The following CDH18 variants were observed in gnomAD, a reference collection of about 807,000 sequenced individuals.
CDH18 encodes the protein cadherin-18.
In CDH18, 31 loss-of-function variants were observed where a neutral mutation model predicts 67.9. That is an observed-to-expected ratio of 0.46 (90% CI 0.34 to 0.62). The LOEUF (loss-of-function observed/expected upper bound fraction) is 0.62. Ranked by LOEUF, CDH18 falls within the 20% of genes least tolerant of loss-of-function variation. The pLI, the probability that CDH18 is intolerant of heterozygous loss-of-function variation, is 0.01. For synonymous variants in CDH18, 362 were observed against 347.2 expected, an observed-to-expected ratio of 1.04 and a Z score of -0.48; for missense variants, 890 against 975.5, an observed-to-expected ratio of 0.91 and a Z score of 1.17.
intron 2 of CDH18, among the ~76,000 whole-genome samples, chr5:20,191,644 C>T (rs1738548106): frequency 6.6e-6 from 1 of 151,956 alleles, no homozygotes; most frequent in Admixed American, 6.6e-5. Flanking sequence ...TTTGTTGAGG[C>T]TGATGGTTTC....
chr5:19,862,063 A>G (rs1784964124), intron 2 of CDH18, among the ~76,000 whole-genome samples: 1 of 152,192 alleles, frequency 6.6e-6, no homozygotes, highest in African/African-American at 2.4e-5. Flanking sequence ...CCATGTGATC[A>G]GTAGAAATAT....
At chr5:19,638,999 T>G (rs13184122) in intron 5 of CDH18, among the ~76,000 whole-genome samples, 5,725 of 122,538 alleles carry the variant, frequency 0.047, 464 homozygotes, top group African/African-American at 0.15. Context: ...TTTTTTTTTT[T>G]TTTTTGTTTG....
At chr5:20,160,309 A>C (rs1397969367) in intron 2 of CDH18, among the ~76,000 whole-genome samples, 1 of 152,206 alleles carries the variant, frequency 6.6e-6, no homozygotes, top group Admixed American at 6.5e-5. Flanking sequence ...TGAGTCAAAG[A>C]CTAATCCAAG....
At chr5:20,388,662 G>A (rs1363084443) in intron 1 of CDH18, among the ~76,000 whole-genome samples, 1 of 151,986 alleles carries the variant, frequency 6.6e-6, no homozygotes, top group East Asian at 1.9e-4. Flanking sequence ...TGTGATGTTA[G>A]GGTGTCTATT....
intron 2 of CDH18, among the ~76,000 whole-genome samples, chr5:20,031,384 AAT>A (rs1161272294): frequency 6.6e-6 from 1 of 152,090 alleles, no homozygotes; most frequent in African/African-American, 2.4e-5. Context: ...TCCTGAGTAT[AAT>A]GTTCGGTATG....
intron 2 of CDH18, among the ~76,000 whole-genome samples, chr5:20,069,500 C>T (rs749079815): frequency 6.6e-6 from 1 of 152,110 alleles, no homozygotes; most frequent in Admixed American, 6.5e-5. Flanking sequence ...GCAACCTCCA[C>T]CTCCCGGGTT....
chr5:20,162,709 A>C (rs891296027), intron 2 of CDH18, among the ~76,000 whole-genome samples: 1 of 150,158 alleles, frequency 6.7e-6, no homozygotes, highest in African/African-American at 2.5e-5. Context: ...ATATACATAC[A>C]TATATATATG....
intron 6 of CDH18, among the ~76,000 whole-genome samples, chr5:19,596,188 T>C (rs778562179): frequency 6.6e-6 from 1 of 152,184 alleles, no homozygotes; most frequent in Non-Finnish European, 1.5e-5. Flanking sequence ...AAGAAGAGGC[T>C]TTTGTCAATG....
intron 2 of CDH18, among the ~76,000 whole-genome samples, chr5:20,135,854 G>A (rs1191470978): frequency 1.3e-5 from 2 of 152,200 alleles, no homozygotes; most frequent in Non-Finnish European, 2.9e-5. Flanking sequence ...TATGTACGTA[G>A]TAATCATTCA....
chr5:19,535,423 A>C (rs1749261679), intron 9 of CDH18, among the ~76,000 whole-genome samples: 1 of 152,216 alleles, frequency 6.6e-6, no homozygotes, highest in South Asian at 2.1e-4. Context: ...CACATTGATA[A>C]TAATAAAATA....
chr5:19,969,156 A>G (rs1326622387), intron 2 of CDH18, among the ~76,000 whole-genome samples: 1 of 148,464 alleles, frequency 6.7e-6, no homozygotes, highest in Non-Finnish European at 1.5e-5. Context: ...ACCATCTCAC[A>G]CCAGTTAGAA....
At chr5:20,462,733 G>A (rs1751359363) in intron 1 of CDH18, among the ~76,000 whole-genome samples, 1 of 152,058 alleles carries the variant, frequency 6.6e-6, no homozygotes, top group Admixed American at 6.6e-5. Context: ...ATAATCTTAT[G>A]CAGTCCACAA....
At chr5:19,914,333 T>A (rs1791509495) in intron 2 of CDH18, among the ~76,000 whole-genome samples, 1 of 151,974 alleles carries the variant, frequency 6.6e-6, no homozygotes, top group Non-Finnish European at 1.5e-5. Context: ...AGTTATATAC[T>A]CTCCCCAGAG....
At chr5:19,792,437 G>C (rs959139805) in intron 3 of CDH18, among the ~76,000 whole-genome samples, 4 of 152,080 alleles carry the variant, frequency 2.6e-5, no homozygotes, top group African/African-American at 9.7e-5. Context: ...CTTCAGACTA[G>C]GTTTAAATGA....
At chr5:20,252,871 G>T (rs1485024002) in intron 2 of CDH18, among the ~76,000 whole-genome samples, 1 of 151,604 alleles carries the variant, frequency 6.6e-6, no homozygotes, top group Non-Finnish European at 1.5e-5. Flanking sequence ...GGGAGGCGGA[G>T]CTTGTAGTGA....
intron 5 of CDH18, among the ~76,000 whole-genome samples, chr5:19,664,068 T>C (rs1378714872): frequency 1.3e-5 from 2 of 151,930 alleles, no homozygotes; most frequent in African/African-American, 2.4e-5. Context: ...GTGAACTAAA[T>C]TGGATTCAGC....
At chr5:20,510,369 G>T (rs570416478) in intron 1 of CDH18, among the ~76,000 whole-genome samples, 3 of 152,144 alleles carry the variant, frequency 2.0e-5, no homozygotes, top group East Asian at 3.9e-4. Flanking sequence ...GTTATGCAGT[G>T]CCCCTTCCTC....
chr5:20,048,608 C>G (rs950690550), intron 2 of CDH18, among the ~76,000 whole-genome samples: 1 of 151,592 alleles, frequency 6.6e-6, no homozygotes, highest in Non-Finnish European at 1.5e-5. Context: ...AATCAAATGA[C>G]AGAGCTAGGA....
At chr5:20,152,112 TTATA>T (rs969072413) in intron 2 of CDH18, among the ~76,000 whole-genome samples, 4 of 146,262 alleles carry the variant, frequency 2.7e-5, no homozygotes, top group Non-Finnish European at 6.0e-5. Context: ...TATTTTATAA[TTATA>T]TATAATTATT....
Sources: gnomAD v4.1 joint callset for allele counts (sites outside exome capture counted in the v4.1 genomes callset) on GRCh38, gnomAD v4.1.1 for gene constraint, MANE v1.5 for transcripts, NCBI Gene and HGNC (gene_info 2026-07-23, HGNC 2026-07-21) for gene names.